Variants in PCM1 observed in about 807,000 individuals in gnomAD.
The protein encoded by PCM1 is pericentriolar material 1, also known as pericentriolar material 1 protein.
In PCM1, 157 loss-of-function variants were observed where a neutral mutation model predicts 241.9. That is an observed-to-expected ratio of 0.65 (90% CI 0.57 to 0.74). PCM1 has a LOEUF of 0.74. Among genes scored for constraint, PCM1 ranks in the 30% least tolerant of loss-of-function variants. PCM1 has a pLI of 0.00. For missense variants in PCM1, 3,478 were observed against 2,360.1 expected (o/e 1.47, Z -9.81); for synonymous variants, 1,085 against 784.9 (o/e 1.38, Z -6.39).
In PCM1 at chr8:17,950,679, G is replaced by C. The variant is rs751324459; in HGVS notation, c.1026G>C (p.Leu342Phe). 6.2e-6 allele frequency: 10 copies of C among 1,604,384 alleles called. No individual in the cohort carries two copies. The highest frequency in any genetic ancestry group is 8.5e-6 in the Non-Finnish European group (10 of 1,174,314). The change falls in exon 8 of 39, where the codon TTG becomes TTC. Residue 342 changes from leucine to phenylalanine, a missense_variant. By Grantham distance (22) the Leu-to-Phe change is conservative. Transcript: ENST00000325083. ...TCACATCTGAACTAAATGAAGAATT[G>C]AATGACTTAATTCAGCGTTTTCATA... ...VSITSELNEE[L>F]NDLIQRFHNQ...
intron 17 of PCM1, among the ~76,000 whole-genome samples, chr8:17,964,165 C>T (rs1394589560): frequency 1.4e-4 from 21 of 152,104 alleles, no homozygotes; most frequent in Admixed American, 1.4e-3. Context: ...ATATTAGCTG[C>T]ATTTTAAGTG....
intron 6 of PCM1, among the ~76,000 whole-genome samples, chr8:17,943,875 T>C (rs1013730684): frequency 2.6e-5 from 4 of 152,194 alleles, no homozygotes; most frequent in African/African-American, 9.6e-5. Flanking sequence ...TTGAGGGTCT[T>C]ACATGCGATT....
At chr8:17,957,891 T>C in intron 13 of PCM1, 116 bp downstream of exon 13, 1 of 700,200 alleles carries the variant, frequency 1.4e-6, no homozygotes, top group Non-Finnish European at 2.3e-6. Context: ...ATGTATCATA[T>C]GTGAGGTTTA....
At position 17,989,917 on chromosome 8, in the gene PCM1, C is replaced by T; in HGVS notation, c.4469C>T (p.Ala1490Val). 3.2e-6 allele frequency: 5 copies of T among 1,545,276 alleles called. No individual in the cohort carries two copies. The highest frequency in any genetic ancestry group is 1.2e-5 in the South Asian group (1 of 83,308). The stretch of plus-strand genomic sequence containing the variant: ...CATAAAATAAGTGAGCAAAATGATG[C>T]TGATAATGCTAGTGTCCTGTCTGTA... The part of the protein sequence containing the change: ...ETHKISEQND[A>V]DNASVLSVSS... The change falls in exon 27 of 39, where the codon GCT (alanine) becomes GTT (valine). Residue 1490 changes from alanine (A) to valine (V), a missense_variant. Ala to Val is a moderately conservative substitution (Grantham distance 64, BLOSUM62 0). Coordinates refer to ENST00000325083, the MANE Select transcript of PCM1 (RefSeq NM_006197.4).
At chr8:17,959,858 A>G (rs976082659) in intron 13 of PCM1, among the ~76,000 whole-genome samples, 156 bp from the exon 14 acceptor site, 1 of 152,040 alleles carries the variant, frequency 6.6e-6, no homozygotes, top group Non-Finnish European at 1.5e-5. Flanking sequence ...GTAAACAAAT[A>G]TATATTGAAC....
At chr8:18,014,449 A>G in intron 35 of PCM1, 135 bp from the exon 36 acceptor site, 1 of 628,954 alleles carries the variant, frequency 1.6e-6, no homozygotes, top group East Asian at 3.2e-5. Context: ...GATAAGGAAA[A>G]TTTGTAGTTG....
intron 6 of PCM1, among the ~76,000 whole-genome samples, chr8:17,945,754 G>A (rs990951698): frequency 1.3e-5 from 2 of 151,958 alleles, no homozygotes; most frequent in African/African-American, 4.8e-5. Flanking sequence ...AATTTCTCTG[G>A]GAATCAAATG....
chr8:18,023,526 GCTGCT>G (rs1308630933), intron 36 of PCM1, among the ~76,000 whole-genome samples: 2 of 152,290 alleles, frequency 1.3e-5, no homozygotes, highest in Admixed American at 1.3e-4. Flanking sequence ...TAGAAGTTTA[GCTGCT>G]CACAGGGATG....
Position 17,953,059 on chromosome 8 carries a change from A to C in PCM1, c.1161A>C (p.Glu387Asp), listed in dbSNP as rs778390032. The change falls in exon 9 of 39, where the codon GAA becomes GAC. Residue 387 changes from glutamate to aspartate, a missense_variant. Physicochemically the swap from Glu to Asp is conservative, Grantham distance 45 (BLOSUM62 2). Transcript: ENST00000325083. ...AGAGCAGGAAACCATCAGCTTCAGA[A>C]CGTTTACCTGATGAGAAAGTCGAAC... is the stretch of plus-strand genomic sequence containing the variant. ...VSQSRKPSAS[E>D]RLPDEKVELF... 2 of 1,607,102 alleles carry C rather than the reference A, an allele frequency of 1.2e-6. No homozygotes were observed. Among genetic ancestry groups the C allele is most frequent in the South Asian group, 2.2e-5 (2 of 89,556 alleles).
intron 2 of PCM1, among the ~76,000 whole-genome samples, chr8:17,929,586 T>C (rs1466079828): frequency 6.6e-6 from 1 of 152,218 alleles, no homozygotes; most frequent in African/African-American, 2.4e-5. Flanking sequence ...CTGATCAGTT[T>C]AACTGTGTGT....
intron 7 of PCM1, 138 bp downstream of exon 7, chr8:17,947,501 C>G (rs1364004742): frequency 1.6e-6 from 1 of 627,210 alleles, no homozygotes; most frequent in East Asian, 2.8e-5. Flanking sequence ...CTTATACTTT[C>G]CTGTGCTTTT....
intron 21 of PCM1, among the ~76,000 whole-genome samples, chr8:17,968,766 A>G (rs76197405): frequency 0.3 from 30,901 of 102,536 alleles, 4,117 homozygotes; most frequent in African/African-American, 0.5. Flanking sequence ...GTGTGTGTAT[A>G]TATATATATA....
chr8:17,986,403 A>G (rs1447356885), intron 26 of PCM1: 2 of 165,186 alleles, frequency 1.2e-5, no homozygotes, highest in East Asian at 3.2e-4. Flanking sequence ...TATTTAAGAC[A>G]TTCAGTAAAA....
chr8:17,961,944 G>A (rs2072430614), intron 15 of PCM1, 90 bp from the exon 16 acceptor site: 1 of 1,104,206 alleles, frequency 9.1e-7, no homozygotes, highest in African/African-American at 1.6e-5. Flanking sequence ...TGGCACTAGA[G>A]CCTTAGTGCC....
intron 13 of PCM1, among the ~76,000 whole-genome samples, chr8:17,958,254 C>T (rs188959959): frequency 6.6e-6 from 1 of 152,036 alleles, no homozygotes; most frequent in Non-Finnish European, 1.5e-5. Context: ...ACTGTCCAAT[C>T]CAGAATTCAG....
chr8:18,006,239 C>T, intron 29 of PCM1, 24 bp from the exon 30 acceptor site: 1 of 1,566,366 alleles, frequency 6.4e-7, no homozygotes, highest in Non-Finnish European at 8.7e-7. Context: ...AGTTTATATT[C>T]TAACCAACTA....
At chr8:17,924,149 C>T (rs1011019883) in intron 1 of PCM1, among the ~76,000 whole-genome samples, 1 of 152,138 alleles carries the variant, frequency 6.6e-6, no homozygotes, top group Non-Finnish European at 1.5e-5. Flanking sequence ...CTGGTGTTCT[C>T]TGGTTACCGG....
intron 9 of PCM1, among the ~76,000 whole-genome samples, chr8:17,953,713 A>G (rs117420190): frequency 0.017 from 2,565 of 152,344 alleles, 40 homozygotes; most frequent in South Asian, 0.043. Context: ...TCAAGCAGGT[A>G]TAACTGCGGG....
chr8:17,954,559 A>C (rs533889084), intron 9 of PCM1, among the ~76,000 whole-genome samples: 2 of 152,066 alleles, frequency 1.3e-5, no homozygotes, highest in African/African-American at 4.8e-5. Flanking sequence ...TTTTTTCCTC[A>C]CTGGGAAGCA....
Sources: gnomAD v4.1 joint callset for allele counts (sites outside exome capture counted in the v4.1 genomes callset) on GRCh38, gnomAD v4.1.1 for gene constraint, MANE v1.5 for transcripts, NCBI Gene and HGNC (gene_info 2026-07-23, HGNC 2026-07-21) for gene names.